Variants in ANKRD62 observed in about 807,000 individuals in gnomAD.
The protein encoded by ANKRD62 is ankyrin repeat domain-containing protein 62.
A neutral mutation model predicts 98.8 loss-of-function variants in ANKRD62; 61 were observed. The observed-to-expected ratio is 0.62, with a 90% CI of 0.50 to 0.76. The LOEUF is 0.76. ANKRD62 is among the 30% of genes least tolerant of loss of function. The pLI, the probability that ANKRD62 is intolerant of heterozygous loss-of-function variation, is 0.00. For missense variants in ANKRD62, 933 were observed against 1,082.9 expected (o/e 0.86, Z 1.94); for synonymous variants, 341 against 367.9 (o/e 0.93, Z 0.84).
At chr18:12,119,464 G>T (rs1205755876) in intron 10 of ANKRD62, among the ~76,000 whole-genome samples, 1 of 151,626 alleles carries the variant, frequency 6.6e-6, no homozygotes, top group African/African-American at 2.4e-5. Flanking sequence ...CAAGGTCAAG[G>T]TGCTGTCAAA....
chr18:12,109,030 G>A (rs565280952), intron 8 of ANKRD62, among the ~76,000 whole-genome samples: 1 of 152,286 alleles, frequency 6.6e-6, no homozygotes, highest in East Asian at 1.9e-4. Context: ...GCTTTTCCAG[G>A]TGCACAGTAT....
intron 10 of ANKRD62, among the ~76,000 whole-genome samples, chr18:12,119,031 G>A (rs4401106): frequency 0.31 from 47,001 of 151,944 alleles, 7,938 homozygotes; most frequent in Middle Eastern, 0.4. Flanking sequence ...TCTTTTTCTA[G>A]GACGGTCCTC....
chr18:12,118,800 T>A (rs1019963710), intron 10 of ANKRD62, among the ~76,000 whole-genome samples: 8 of 152,266 alleles, frequency 5.3e-5, no homozygotes, highest in African/African-American at 1.9e-4. Flanking sequence ...GATGTCTTGG[T>A]TGTTTCACAA....
chr18:12,123,068 A>C (rs1473384092), intron 11 of ANKRD62, among the ~76,000 whole-genome samples: 2 of 151,850 alleles, frequency 1.3e-5, no homozygotes, highest in African/African-American at 4.8e-5. Flanking sequence ...TGTCCTTTTG[A>C]GACAGAGTCT....
chr18:12,130,742 G>C (rs1231337963), downstream of ANKRD62, among the ~76,000 whole-genome samples: 2 of 151,960 alleles, frequency 1.3e-5, no homozygotes, highest in African/African-American at 4.8e-5. Flanking sequence ...GCCCAGACTG[G>C]AGTGAAGTGG....
intron 7 of ANKRD62, 49 bp from the exon 8 acceptor site, chr18:12,107,246 A>G (rs768908521): frequency 1.5e-6 from 2 of 1,331,184 alleles, no homozygotes; most frequent in South Asian, 1.9e-5. Flanking sequence ...AGTTCTTTCT[A>G]TTGGATAAAA....
Position 12,107,296 on chromosome 18 carries a change from T to G in ANKRD62, c.893T>G (p.Val298Gly), listed in dbSNP as rs113059582. The change falls in exon 8 of 14, where the codon GTT becomes GGT. Residue 298 changes from valine (V) to glycine (G), a missense_variant and splice_region_variant. Physicochemically the swap from Val to Gly is moderately radical, Grantham distance 109 (BLOSUM62 -3). Transcript: ENST00000587848. ...LEGCESSQPQVEEKMKKCRNK... is the reference protein window; with the variant it reads ...LEGCESSQPQGEEKMKKCRNK... Reference sequence around the variant, plus strand: ...CTCAGTATGAAACTTTCATTGAAGGTTGAAGAAAAAATGAAGAAATGCAGA... The same window carrying G: ...CTCAGTATGAAACTTTCATTGAAGGGTGAAGAAAAAATGAAGAAATGCAGA... 3.4e-6 allele frequency: 5 copies of G among 1,484,728 alleles called. No individual in the cohort carries two copies. In the African/African-American group the frequency reaches 7.1e-5, roughly 21 times the overall value. 92.0% of individuals were successfully genotyped at this position (1,484,728 alleles called of 1,614,324 possible). A position where few individuals can be genotyped will look rare whatever the true frequency, so the allele number is the denominator to read the frequency against.
the ANKRD62 span, among the ~76,000 whole-genome samples, chr18:12,161,683 C>T: frequency 6.6e-6 from 1 of 152,132 alleles, no homozygotes; most frequent in African/African-American, 2.4e-5. Context: ...CTTGCCACTA[C>T]CCTTCCCAAC....
At chr18:12,132,959 C>G (rs1030416991), downstream of ANKRD62, among the ~76,000 whole-genome samples, 28 of 152,018 alleles carry the variant, frequency 1.8e-4, no homozygotes, top group Non-Finnish European at 4.1e-4. Flanking sequence ...ATTTTTAACT[C>G]CATAGTTCAG....
chr18:12,122,426 T>G lies in ANKRD62; in HGVS notation c.1364T>G (p.Val455Gly), dbSNP rs565784350. ...KFQKMKNNIS[V>G]LQKVLSETDK... ...CAAAAAATGAAAAATAATATTAGCG[T>G]ACTACAAAAGGTACTATCTGAAACA... The change falls in exon 11 of 14, where the codon GTA (valine) becomes GGA (glycine). Residue 455 changes from valine (V) to glycine (G), a missense_variant. Physicochemically the swap from Val to Gly is moderately radical, Grantham distance 109. Transcript: ENST00000587848. 6.0e-4 allele frequency: 923 copies of G among 1,535,482 alleles called. 10 individuals are homozygous for G. In the African/African-American group the frequency reaches 0.011, roughly 19 times the overall value.
At chr18:12,125,410 A>G (rs1417342054) in intron 12 of ANKRD62, 50 bp from the exon 13 acceptor site, 27 of 1,383,826 alleles carry the variant, frequency 2.0e-5, no homozygotes, top group African/African-American at 4.4e-5. Context: ...AGAAATCATA[A>G]TATGTCATTT....
At chr18:12,122,757 A>T (rs748486247) in intron 11 of ANKRD62, among the ~76,000 whole-genome samples, 24 of 152,162 alleles carry the variant, frequency 1.6e-4, no homozygotes, top group Non-Finnish European at 2.9e-4. Flanking sequence ...ACCCTATGGA[A>T]ATTTCATTAT....
At chr18:12,141,009 G>C in the ANKRD62 span, among the ~76,000 whole-genome samples, 1 of 152,212 alleles carries the variant, frequency 6.6e-6, no homozygotes, top group Non-Finnish European at 1.5e-5. Context: ...CACCCAGTTC[G>C]AGCTTCCTGG....
chr18:12,095,152 C>T lies in ANKRD62; in HGVS notation c.219-19C>T, dbSNP rs748901227. 2.6e-5 allele frequency: 40 copies of T among 1,527,678 alleles called. No individual in the cohort carries two copies. The African/African-American group carries it at 4.1e-4, about 16-fold the overall frequency. The allele number at this position is 1,527,678 out of a possible 1,614,324, so 94.6% of individuals were successfully genotyped here. A position where few individuals can be genotyped will look rare whatever the true frequency, so the allele number is the denominator to read the frequency against. ...GACTGTGCACTACAATTGCCTAAAG[C>T]GACCTCTCATTCTCACAGGACTGCT... On this transcript the variant is annotated intron_variant, in intron 1 of 13. Transcript: ENST00000587848.
chr18:12,102,872 T>A (rs1909335219), intron 6 of ANKRD62: 5 of 698,738 alleles, frequency 7.2e-6, no homozygotes, highest in Non-Finnish European at 9.2e-6. Context: ...TCTGATGGTT[T>A]TGTTCATTTA....
At chr18:12,169,563 A>G in the ANKRD62 span, among the ~76,000 whole-genome samples, 7 of 152,136 alleles carry the variant, frequency 4.6e-5, no homozygotes, top group Non-Finnish European at 8.8e-5. Flanking sequence ...TTTTGCATCA[A>G]TGTTCAACAG....
the ANKRD62 span, among the ~76,000 whole-genome samples, chr18:12,145,182 C>A: frequency 1.3e-5 from 2 of 152,088 alleles, no homozygotes; most frequent in African/African-American, 4.8e-5. Context: ...GGTTGGCCTG[C>A]ACTCTCTGAA....
chr18:12,131,034 A>G (rs1009854812), downstream of ANKRD62, among the ~76,000 whole-genome samples: 12 of 152,126 alleles, frequency 7.9e-5, no homozygotes, highest in African/African-American at 2.9e-4. Flanking sequence ...CAAAGTTTTA[A>G]CTGTGTTTCC....
At chr18:12,155,508 T>A in the ANKRD62 span, among the ~76,000 whole-genome samples, 2 of 152,318 alleles carry the variant, frequency 1.3e-5, no homozygotes, top group East Asian at 3.9e-4. Context: ...ACACATGAAG[T>A]TCCTGTGGAC....
Sources: gnomAD v4.1 joint callset for allele counts (sites outside exome capture counted in the v4.1 genomes callset) on GRCh38, gnomAD v4.1.1 for gene constraint, MANE v1.5 for transcripts, NCBI Gene and HGNC (gene_info 2026-07-23, HGNC 2026-07-21) for gene names.